The following PDS5B variants were observed in gnomAD, a reference collection of about 807,000 sequenced individuals.
The protein encoded by PDS5B is sister chromatid cohesion protein PDS5 homolog B.
Under a neutral mutation model 184.1 loss-of-function variants are expected in PDS5B, and 51 were observed. The ratio of observed to expected loss-of-function variants is 0.28; its 90% CI spans 0.22 to 0.35. The LOEUF (loss-of-function observed/expected upper bound fraction) is 0.35. PDS5B is among the 10% of genes least tolerant of loss of function. The probability of loss-of-function intolerance (pLI) is 1.00; values close to 1 mark genes in which losing one functional copy is unlikely to be tolerated. For missense variants in PDS5B, 1,180 were observed against 1,723.3 expected (o/e 0.68, Z 5.58); for synonymous variants, 566 against 569.2 (o/e 0.99, Z 0.08).
rs1362253182 is a variant in PDS5B, at chr13:32,602,946, A to AT, written c.-20+16359dup. Among the ~76,000 whole-genome samples, 6 of 151,672 alleles carry AT rather than the reference A, an allele frequency of 4.0e-5. No individual in the cohort carries two copies. The South Asian group carries it at 8.3e-4, about 21-fold the overall frequency. On this transcript the variant is annotated intron_variant, in intron 1 of 34. Transcript: ENST00000315596. Reference sequence around the variant, plus strand: ...GCCTACTTTTTGATGGGGTTGTTTGATTTTTTCTTGTAAATTTGTTTAAGT... The same window carrying AT: ...GCCTACTTTTTGATGGGGTTGTTTGATTTTTTTCTTGTAAATTTGTTTAAGT...
chr13:32,604,722 A>G (rs2140492042), intron 1 of PDS5B, among the ~76,000 whole-genome samples: 1 of 152,304 alleles, frequency 6.6e-6, no homozygotes, highest in East Asian at 1.9e-4. Context: ...TTTGGTTGGT[A>G]GGCTATTAAT....
intron 1 of PDS5B, among the ~76,000 whole-genome samples, chr13:32,612,529 C>T (rs1303386297): frequency 2.0e-5 from 3 of 152,098 alleles, no homozygotes; most frequent in South Asian, 2.1e-4. Context: ...CAAAAGAAAC[C>T]CTGCACCTCT....
intron 30 of PDS5B, among the ~76,000 whole-genome samples, chr13:32,762,529 A>C (rs1437285479): frequency 6.6e-6 from 1 of 152,178 alleles, no homozygotes; most frequent in Admixed American, 6.5e-5. Context: ...ATTTTCTATC[A>C]AATGGTCTCA....
At chr13:32,738,298 T>C (rs1045921407) in intron 21 of PDS5B, among the ~76,000 whole-genome samples, 4 of 152,208 alleles carry the variant, frequency 2.6e-5, no homozygotes, top group Non-Finnish European at 5.9e-5. Flanking sequence ...TTTAAGTCAT[T>C]TTTTATAATG....
chr13:32,607,014 G>A (rs969853349), intron 1 of PDS5B, among the ~76,000 whole-genome samples: 9 of 151,550 alleles, frequency 5.9e-5, no homozygotes, highest in East Asian at 1.9e-4. Flanking sequence ...TTGAACATCC[G>A]GAGAAGTTTG....
At chr13:32,667,681 C>A in intron 6 of PDS5B, 83 bp from the exon 7 acceptor site, 2 of 770,214 alleles carry the variant, frequency 2.6e-6, no homozygotes, top group Non-Finnish European at 2.1e-6. Flanking sequence ...CATTCATTTA[C>A]TCAAGTAGCA....
chr13:32,689,897 C>T (rs1435232867), intron 13 of PDS5B: 2 of 151,904 alleles, frequency 1.3e-5, no homozygotes, highest in African/African-American at 4.8e-5. Flanking sequence ...TTGAAACTAC[C>T]TATTGGAAAT....
In PDS5B at chr13:32,659,156, A is replaced by C. The variant is rs200126943; in HGVS notation, c.500A>C (p.Asn167Thr). ...ACAAAATCTGTTTTGAATTGCAGCA[A>C]TGGCCACAATCAGAAAGTCCATATG... ...LYRTLFSVIN[N>T]GHNQKVHMHM... The change falls in exon 6 of 35, where the codon AAT becomes ACT. Residue 167 changes from asparagine (N) to threonine (T), a missense_variant and splice_region_variant. Physicochemically the swap from Asn to Thr is moderately conservative, Grantham distance 65. Coordinates refer to ENST00000315596, the MANE Select transcript of PDS5B (RefSeq NM_015032.4). 6.5e-7 allele frequency: 1 copy of C among 1,545,670 alleles called. No homozygotes were observed. The highest frequency in any genetic ancestry group is 1.3e-5 in the South Asian group (1 of 78,026).
Position 32,753,310 on chromosome 13 carries a change from T to G in PDS5B, c.2737-22T>G, listed in dbSNP as rs1381453845. Reference sequence around the variant, plus strand: ...TCTTTGCTGCCATTTGAATAATATCTGGAATAATTGTGTCTTTACAGGATG... The same window carrying G: ...TCTTTGCTGCCATTTGAATAATATCGGGAATAATTGTGTCTTTACAGGATG... On this transcript the variant is annotated intron_variant, in intron 24 of 34. Coordinates refer to ENST00000315596, the MANE Select transcript of PDS5B (RefSeq NM_015032.4). The G allele has an allele frequency of 2.5e-6, 4 of 1,584,132 alleles. No individual in the cohort carries two copies. In the South Asian group the frequency reaches 3.3e-5, roughly 13 times the overall value.
At chr13:32,686,448 G>A (rs1452193527) in intron 11 of PDS5B, among the ~76,000 whole-genome samples, 1 of 152,050 alleles carries the variant, frequency 6.6e-6, no homozygotes, top group East Asian at 1.9e-4. Flanking sequence ...AATTATGAGG[G>A]ATGGGGGTTT....
chr13:32,604,578 T>G (rs1482306726), intron 1 of PDS5B, among the ~76,000 whole-genome samples: 3 of 152,058 alleles, frequency 2.0e-5, no homozygotes, highest in Non-Finnish European at 2.9e-5. Flanking sequence ...CAGGATGATG[T>G]TGGCCTCATA....
intron 31 of PDS5B, among the ~76,000 whole-genome samples, chr13:32,765,399 A>G (rs1954552203): frequency 1.3e-5 from 2 of 152,226 alleles, no homozygotes; most frequent in South Asian, 4.1e-4. Flanking sequence ...CATAATAATA[A>G]AAGTTAAAAT....
chr13:32,751,776 G>A (rs1174973009), intron 24 of PDS5B, among the ~76,000 whole-genome samples: 1 of 151,452 alleles, frequency 6.6e-6, no homozygotes, highest in African/African-American at 2.4e-5. Context: ...TGCATAGTTT[G>A]CAAAAATTTT....
At position 32,777,856 on chromosome 13, in the gene PDS5B, C is replaced by T. The variant is rs1399958133; in HGVS notation, c.*2804C>T. The T allele has an allele frequency of 2.0e-5, 3 of 152,230 alleles. No homozygotes were observed. The highest frequency in any genetic ancestry group is 2.1e-4 in the South Asian group (1 of 4,822). 9.4% of individuals were successfully genotyped at this position (152,230 alleles called of 1,614,324 possible). A position where few individuals can be genotyped will look rare whatever the true frequency, so the allele number is the denominator to read the frequency against. On this transcript the variant is annotated 3_prime_UTR_variant, in exon 35 of 35. Coordinates refer to ENST00000315596, the MANE Select transcript of PDS5B (RefSeq NM_015032.4). ...TCTGATTTTTAAGATTTCCTTTTGT[C>T]CACTTGTAAGAATGTCAGGAATTTA...
At chr13:32,629,179 A>T (rs1304105934) in intron 1 of PDS5B, among the ~76,000 whole-genome samples, 1 of 152,146 alleles carries the variant, frequency 6.6e-6, no homozygotes, top group African/African-American at 2.4e-5. Context: ...GATATATTGC[A>T]CATTGTTATA....
Position 32,679,008 on chromosome 13 carries a change from C to A in PDS5B, c.1057+79C>A, listed in dbSNP as rs368251201. On this transcript the variant is annotated intron_variant, in intron 10 of 34. Transcript: ENST00000315596. ...ATAAGTTTCATAGGGGGAAAAAAAA[C>A]CCCTTTTTTCGGGGGTGGTAGGTGA... The A allele has an allele frequency of 1.2e-4, 80 of 677,270 alleles. 1 individual carries two copies. The highest frequency in any genetic ancestry group is 5.6e-4 in the East Asian group (20 of 35,446). 42.0% of individuals were successfully genotyped at this position (677,270 alleles called of 1,614,324 possible).
chr13:32,616,762 T>G (rs2058226613), intron 1 of PDS5B, among the ~76,000 whole-genome samples: 1 of 152,248 alleles, frequency 6.6e-6, no homozygotes, highest in Admixed American at 6.5e-5. Context: ...TGCAAAATTT[T>G]GTTCCTTAAC....
At chr13:32,727,664 C>G (rs1952958127) in intron 19 of PDS5B, among the ~76,000 whole-genome samples, 1 of 152,014 alleles carries the variant, frequency 6.6e-6, no homozygotes, top group Non-Finnish European at 1.5e-5. Context: ...GAAAAGTGTT[C>G]TATCAATCCT....
intron 23 of PDS5B, 97 bp from the exon 24 acceptor site, chr13:32,745,880 C>T (rs1354092574): frequency 5.8e-6 from 6 of 1,036,740 alleles, no homozygotes; most frequent in Non-Finnish European, 5.6e-6. Flanking sequence ...TTTTTTTAAA[C>T]TTTTTTGTGC....
Sources: gnomAD v4.1 joint callset for allele counts (sites outside exome capture counted in the v4.1 genomes callset) on GRCh38, gnomAD v4.1.1 for gene constraint, MANE v1.5 for transcripts, NCBI Gene and HGNC (gene_info 2026-07-23, HGNC 2026-07-21) for gene names.